HYCC1: variants seen among roughly 807,000 people sequenced by gnomAD.
HYCC1 encodes hyccin.
chr7:22,996,597 TAA>T, the HYCC1 span, among the ~76,000 whole-genome samples: 14,368 of 105,932 alleles, frequency 0.14, 896 homozygotes, highest in East Asian at 0.25. Context: ...GTACAATTGT[TAA>T]AAAAAAAAAA....
At chr7:22,958,248 C>A in the HYCC1 span, among the ~76,000 whole-genome samples, 2 of 151,968 alleles carry the variant, frequency 1.3e-5, no homozygotes, top group South Asian at 4.2e-4. Flanking sequence ...CCAAGACTAC[C>A]CTAAAAAGGG....
chr7:23,006,709 A>T, the HYCC1 span, among the ~76,000 whole-genome samples: 1 of 152,208 alleles, frequency 6.6e-6, no homozygotes, highest in Non-Finnish European at 1.5e-5. Flanking sequence ...TTATGTTTTC[A>T]TTAAGTCAAG....
chr7:23,002,526 G>A, the HYCC1 span, among the ~76,000 whole-genome samples: 2 of 152,050 alleles, frequency 1.3e-5, no homozygotes, highest in Admixed American at 1.3e-4. Context: ...ATTAAATTAA[G>A]GAATTAGCCA....
At chr7:22,898,171 A>C in the HYCC1 span, among the ~76,000 whole-genome samples, 1 of 151,500 alleles carries the variant, frequency 6.6e-6, no homozygotes, top group Non-Finnish European at 1.5e-5. Context: ...TCAGCGTCCC[A>C]AGTAGCTGGC....
chr7:22,971,919 G>A, the HYCC1 span, among the ~76,000 whole-genome samples: 1 of 152,140 alleles, frequency 6.6e-6, no homozygotes. Context: ...GATTATTTCA[G>A]TTGGGTTGTG....
At chr7:22,963,346 G>T in the HYCC1 span, among the ~76,000 whole-genome samples, 2 of 152,152 alleles carry the variant, frequency 1.3e-5, no homozygotes, top group Admixed American at 6.6e-5. Context: ...GAAGATTTCA[G>T]CAAAGAGACG....
the HYCC1 span, among the ~76,000 whole-genome samples, chr7:22,898,022 C>T: frequency 2.0e-5 from 3 of 151,856 alleles, no homozygotes; most frequent in Non-Finnish European, 4.4e-5. Context: ...ACTGATATTG[C>T]TTGAGGGATT....
the HYCC1 span, among the ~76,000 whole-genome samples, chr7:22,971,803 G>A: frequency 0.35 from 52,981 of 151,820 alleles, 9,293 homozygotes; most frequent in East Asian, 0.47. Flanking sequence ...GCACTTTTCT[G>A]TCCTGCTTGT....
At chr7:22,961,819 G>T in the HYCC1 span, among the ~76,000 whole-genome samples, 1 of 152,018 alleles carries the variant, frequency 6.6e-6, no homozygotes, top group African/African-American at 2.4e-5. Context: ...AGCAACTTGA[G>T]GGAAAAAGTG....
chr7:22,978,024 T>G, the HYCC1 span: 1 of 581,442 alleles, frequency 1.7e-6, no homozygotes, highest in Non-Finnish European at 3.0e-6. Context: ...TTTTCAGATA[T>G]CTCTATAAAA....
At chr7:22,954,746 G>C in the HYCC1 span, among the ~76,000 whole-genome samples, 236 of 151,548 alleles carry the variant, frequency 1.6e-3, no homozygotes, top group African/African-American at 5.5e-3. Context: ...AATATATACA[G>C]TTGCTACTTT....
the HYCC1 span, among the ~76,000 whole-genome samples, chr7:22,992,421 T>C: frequency 6.6e-6 from 1 of 152,120 alleles, no homozygotes; most frequent in African/African-American, 2.4e-5. Flanking sequence ...ATTGATTTTA[T>C]AGAACTGTCT....
At chr7:22,927,535 C>T in the HYCC1 span, among the ~76,000 whole-genome samples, 1 of 152,150 alleles carries the variant, frequency 6.6e-6, no homozygotes, top group Non-Finnish European at 1.5e-5. Context: ...TGCAAACTAC[C>T]ATCAGAGAAT....
the HYCC1 span, among the ~76,000 whole-genome samples, chr7:22,975,612 C>G: frequency 6.6e-6 from 1 of 152,174 alleles, no homozygotes; most frequent in Non-Finnish European, 1.5e-5. Flanking sequence ...GTCATAACAG[C>G]TCTATCATTT....
the HYCC1 span, chr7:22,940,228 T>C: frequency 1.4e-5 from 2 of 140,984 alleles, no homozygotes; most frequent in Non-Finnish European, 3.0e-5. Context: ...AATAGGTTAA[T>C]AGGTTCTGTT....
At chr7:22,979,747 T>C in the HYCC1 span, among the ~76,000 whole-genome samples, 10 of 152,188 alleles carry the variant, frequency 6.6e-5, no homozygotes, top group African/African-American at 1.9e-4. Flanking sequence ...ACAGTTTGTA[T>C]GAACACATAA....
chr7:22,985,783 T>C, the HYCC1 span: 1 of 150,542 alleles, frequency 6.6e-6, no homozygotes. Context: ...AAACAGCAGA[T>C]TCCTAATCCT....
the HYCC1 span, among the ~76,000 whole-genome samples, chr7:22,924,230 C>T: frequency 6.6e-6 from 1 of 150,584 alleles, no homozygotes; most frequent in African/African-American, 2.4e-5. Context: ...ATAGGAACAG[C>T]TGCAGCCTAC....
the HYCC1 span, among the ~76,000 whole-genome samples, chr7:22,899,765 T>C: frequency 3.3e-5 from 5 of 152,238 alleles, no homozygotes; most frequent in Admixed American, 3.3e-4. Flanking sequence ...AACAAAATTA[T>C]ATGTAACATT....
Sources: gnomAD v4.1 joint callset for allele counts (sites outside exome capture counted in the v4.1 genomes callset) on GRCh38, gnomAD v4.1.1 for gene constraint, MANE v1.5 for transcripts, NCBI Gene and HGNC (gene_info 2026-07-23, HGNC 2026-07-21) for gene names.